Variants in ARHGEF18 observed in about 807,000 individuals in gnomAD.
ARHGEF18 encodes the protein rho guanine nucleotide exchange factor 18.
A neutral mutation model predicts 155.7 loss-of-function variants in ARHGEF18; 93 were observed. That is an observed-to-expected ratio of 0.60 (90% CI 0.50 to 0.71). ARHGEF18 has a LOEUF of 0.71. ARHGEF18 is among the 30% of genes least tolerant of loss of function. ARHGEF18 has a pLI of 0.00. For missense variants in ARHGEF18, 1,593 were observed against 1,816.1 expected, an observed-to-expected ratio of 0.88 and a Z score of 2.23; for synonymous variants, 742 against 753.1, an observed-to-expected ratio of 0.99 and a Z score of 0.24.
At chr19:7,408,440 C>T (rs1972472213) in intron 10 of ARHGEF18, among the ~76,000 whole-genome samples, 1 of 144,388 alleles carries the variant, frequency 6.9e-6, no homozygotes, top group Non-Finnish European at 1.5e-5. Context: ...GGCCAGCCCA[C>T]AGACAGTAGG....
At position 7,458,641 on chromosome 19, in the gene ARHGEF18, A is replaced by G; in HGVS notation, c.2311A>G (p.Lys771Glu). 1.2e-6 allele frequency: 2 copies of G among 1,614,192 alleles called. No individual in the cohort carries two copies. Among genetic ancestry groups the G allele is most frequent in the Non-Finnish European group, 8.5e-7 (1 of 1,180,024 alleles). Residue 771 changes from lysine to glutamate, a missense_variant, in exon 19 of 29, where the codon AAA becomes GAA. By Grantham distance (56) the Lys-to-Glu change is moderately conservative. Coordinates refer to ENST00000668164, the MANE Select transcript of ARHGEF18 (RefSeq NM_001367823.1). ...GATGTATGAAATCTACACGAGCTCC[A>G]AAGAGGACAGGAACGCCTGGATGGC... ...PEMYEIYTSS[K>E]EDRNAWMAHI... is the part of the protein sequence containing the mutation.
At chr19:7,357,217 G>C (rs1969343256) in intron 1 of ARHGEF18, among the ~76,000 whole-genome samples, 1 of 152,192 alleles carries the variant, frequency 6.6e-6, no homozygotes, top group African/African-American at 2.4e-5. Flanking sequence ...GTGGGCAGCT[G>C]GAGTGCCTGG....
At chr19:7,410,736 A>T (rs892152307) in intron 10 of ARHGEF18, among the ~76,000 whole-genome samples, 4 of 148,876 alleles carry the variant, frequency 2.7e-5, no homozygotes, top group African/African-American at 1.0e-4. Flanking sequence ...CTTGAACCTG[A>T]GAAGCAGAGG....
At chr19:7,411,368 G>A (rs1388943869) in intron 10 of ARHGEF18, among the ~76,000 whole-genome samples, 2 of 149,312 alleles carry the variant, frequency 1.3e-5, no homozygotes, top group African/African-American at 4.9e-5. Context: ...GGGCAGTGGT[G>A]TGATCTCAGC....
intron 10 of ARHGEF18, among the ~76,000 whole-genome samples, chr19:7,387,007 T>C (rs922305571): frequency 2.0e-5 from 3 of 152,118 alleles, no homozygotes; most frequent in African/African-American, 7.2e-5. Flanking sequence ...ATCTGCTGTG[T>C]CCCTGCGTTT....
intron 10 of ARHGEF18, among the ~76,000 whole-genome samples, chr19:7,438,422 T>A (rs1030138078): frequency 1.4e-5 from 2 of 144,974 alleles, no homozygotes; most frequent in Non-Finnish European, 1.5e-5. Flanking sequence ...TTTTTTTTTT[T>A]ATTTTTGAGA....
intron 10 of ARHGEF18, among the ~76,000 whole-genome samples, chr19:7,396,627 A>G (rs1388231777): frequency 6.6e-6 from 1 of 151,920 alleles, no homozygotes; most frequent in African/African-American, 2.4e-5. Flanking sequence ...AGGCAGGGGA[A>G]TCACTTGAAC....
intron 27 of ARHGEF18, 116 bp downstream of exon 27, chr19:7,469,247 C>A: frequency 1.5e-6 from 2 of 1,312,348 alleles, no homozygotes; most frequent in Non-Finnish European, 2.0e-6. Flanking sequence ...AGAGGAAAAC[C>A]AGAAGGCACA....
intron 10 of ARHGEF18, among the ~76,000 whole-genome samples, chr19:7,397,212 A>G (rs1164218769): frequency 6.6e-6 from 1 of 151,030 alleles, no homozygotes. Context: ...TTGGTTTTGT[A>G]TAGCTTATTT....
At chr19:7,450,227 G>A (rs1975281432) in intron 15 of ARHGEF18, among the ~76,000 whole-genome samples, 1 of 123,130 alleles carries the variant, frequency 8.1e-6, no homozygotes, top group Admixed American at 8.0e-5. Context: ...CTCGCTTTCT[G>A]TTTCTGAGAT....
Position 7,395,245 on chromosome 19 carries a change from G to A in ARHGEF18, c.967+12042G>A. 16 of 986,908 alleles carry A rather than the reference G, an allele frequency of 1.6e-5. No individual in the cohort carries two copies. The highest frequency in any genetic ancestry group is 1.9e-5 in the Non-Finnish European group (16 of 831,198). The allele number at this position is 986,908 out of a possible 1,614,324, so 61.1% of individuals were successfully genotyped here. On this transcript the variant is annotated intron_variant, in intron 10 of 28. Transcript: ENST00000668164. The surrounding 1 kb of genome is among the most constrained non-coding windows in gnomAD (Gnocchi z 5.0). ...AGAGCGGCCTGCGGGCGATCGGGCC[G>A]AGGTGAGGACGGCGGCGGGGCGGTC...
intron 1 of ARHGEF18, chr19:7,355,726 C>G (rs1176501916): frequency 1.0e-6 from 1 of 985,050 alleles, no homozygotes; most frequent in Non-Finnish European, 1.2e-6. Context: ...CAGTGACCAG[C>G]GGGAGCCATC....
chr19:7,393,034 T>G (rs1971488343), intron 10 of ARHGEF18, among the ~76,000 whole-genome samples: 1 of 112,778 alleles, frequency 8.9e-6, no homozygotes, highest in Admixed American at 1.4e-4. Context: ...AGTGACAGAG[T>G]GAGATCCTGT....
chr19:7,351,337 G>T (rs988846354), intron 1 of ARHGEF18, among the ~76,000 whole-genome samples: 8 of 148,474 alleles, frequency 5.4e-5, no homozygotes, highest in Non-Finnish European at 7.4e-5. Flanking sequence ...TTGTTTGTTT[G>T]TTTTGAGATG....
intron 10 of ARHGEF18, among the ~76,000 whole-genome samples, chr19:7,409,217 G>A (rs928965601): frequency 1.1e-4 from 15 of 138,724 alleles, no homozygotes; most frequent in Admixed American, 2.9e-4. Context: ...CCACCACCTC[G>A]CCCGGCTAAT....
chr19:7,388,945 G>A (rs1971236971), intron 10 of ARHGEF18, among the ~76,000 whole-genome samples: 2 of 151,898 alleles, frequency 1.3e-5, no homozygotes, highest in Non-Finnish European at 2.9e-5. Context: ...AAAGAAAGCA[G>A]AGAGAGTCCC....
intron 8 of ARHGEF18, among the ~76,000 whole-genome samples, chr19:7,382,450 G>A (rs566556536): frequency 1.9e-4 from 29 of 151,462 alleles, no homozygotes; most frequent in Non-Finnish European, 5.9e-5. Flanking sequence ...ATTAGATACC[G>A]GGTGGGGGTG....
At chr19:7,473,690 G>A (rs968779200), downstream of ARHGEF18, among the ~76,000 whole-genome samples, 6 of 150,972 alleles carry the variant, frequency 4.0e-5, no homozygotes, top group East Asian at 2.0e-4. Flanking sequence ...GGCGCCTGTA[G>A]TCCCAGCTAC....
intron 5 of ARHGEF18, among the ~76,000 whole-genome samples, chr19:7,377,910 C>A (rs1431412127): frequency 4.6e-5 from 7 of 151,892 alleles, no homozygotes; most frequent in Non-Finnish European, 1.0e-4. Context: ...CATGGTGAAA[C>A]CCCGTCTCTA....
Sources: gnomAD v4.1 joint callset for allele counts (sites outside exome capture counted in the v4.1 genomes callset) on GRCh38, gnomAD v4.1.1 for gene constraint, Gnocchi (gnomAD v3.1) non-coding constraint, MANE v1.5 for transcripts, NCBI Gene and HGNC (gene_info 2026-07-23, HGNC 2026-07-21) for gene names.